CSMD3: variants seen among roughly 807,000 people sequenced by gnomAD.
CSMD3 encodes the protein CUB and sushi domain-containing protein 3.
A neutral mutation model predicts 435.2 loss-of-function variants in CSMD3; 177 were observed. The observed-to-expected ratio is 0.41, with a 90% CI of 0.36 to 0.46. The LOEUF is 0.46. CSMD3 is among the 20% of genes least tolerant of loss of function. The pLI is 0.34. For missense variants in CSMD3, 4,265 were observed against 4,504.6 expected, an observed-to-expected ratio of 0.95 and a Z score of 1.52; for synonymous variants, 1,656 against 1,520.5, an observed-to-expected ratio of 1.09 and a Z score of -2.07.
intron 10 of CSMD3, among the ~76,000 whole-genome samples, chr8:112,901,610 A>G (rs976125552): frequency 6.6e-6 from 1 of 151,268 alleles, no homozygotes; most frequent in Non-Finnish European, 1.5e-5. Context: ...CTCTCCTTCC[A>G]TATTTCCTGA....
At chr8:113,350,475 T>TA (rs923834668) in intron 1 of CSMD3, among the ~76,000 whole-genome samples, 1 of 152,104 alleles carries the variant, frequency 6.6e-6, no homozygotes, top group Non-Finnish European at 1.5e-5. Flanking sequence ...CAAATGAACT[T>TA]AAACAACTCT....
chr8:112,616,765 G>A (rs1178069705), intron 22 of CSMD3, among the ~76,000 whole-genome samples: 2 of 152,142 alleles, frequency 1.3e-5, no homozygotes, highest in African/African-American at 4.8e-5. Flanking sequence ...TAAAGCAGTA[G>A]TCCTGCCCAA....
chr8:112,374,255 A>G (rs1172671287), intron 38 of CSMD3, among the ~76,000 whole-genome samples: 1 of 152,100 alleles, frequency 6.6e-6, no homozygotes, highest in African/African-American at 2.4e-5. Context: ...TTTGGCACAG[A>G]TCTCCCCACT....
rs146912948 is a variant in CSMD3, at chr8:112,775,812, A to T, written c.1972+24350T>A. Among the ~76,000 whole-genome samples the T allele has an allele frequency of 2.1e-3, 313 of 152,036 alleles. 1 individual carries two copies. Among genetic ancestry groups the T allele is most frequent in the African/African-American group, 7.2e-3 (301 of 41,544 alleles). On this transcript the variant is annotated intron_variant, in intron 13 of 70. Transcript: ENST00000297405. ...TTTTAACTATCTTCCATCTTTGCAT[A>T]AAATATACATATTTAGAAAATGTGC...
intron 1 of CSMD3, among the ~76,000 whole-genome samples, chr8:113,350,606 T>C (rs1211161217): frequency 6.6e-6 from 1 of 152,042 alleles, no homozygotes; most frequent in Non-Finnish European, 1.5e-5. Flanking sequence ...GATCAAACCA[T>C]TCCAATTTCT....
At chr8:113,283,743 G>A (rs2093627662) in intron 2 of CSMD3, among the ~76,000 whole-genome samples, 1 of 152,080 alleles carries the variant, frequency 6.6e-6, no homozygotes, top group Admixed American at 6.5e-5. Context: ...CTATCCAGAG[G>A]ATATCAAGTC....
intron 69 of CSMD3, among the ~76,000 whole-genome samples, chr8:112,230,318 G>A (rs1374514451): frequency 1.3e-5 from 2 of 152,178 alleles, no homozygotes; most frequent in African/African-American, 4.8e-5. Flanking sequence ...GGTAGGATGT[G>A]ATGTAAATGG....
intron 4 of CSMD3, among the ~76,000 whole-genome samples, chr8:113,151,563 A>G (rs1397735854): frequency 1.3e-5 from 2 of 152,046 alleles, no homozygotes; most frequent in African/African-American, 4.8e-5. Flanking sequence ...AACAATATTA[A>G]TGACAATATA....
chr8:113,196,814 A>G (rs1056363034), intron 3 of CSMD3, among the ~76,000 whole-genome samples: 29 of 151,280 alleles, frequency 1.9e-4, no homozygotes, highest in African/African-American at 6.5e-4. Flanking sequence ...AATGACACCT[A>G]TGATTTAAAT....
intron 6 of CSMD3, among the ~76,000 whole-genome samples, chr8:113,010,175 T>C (rs2086205038): frequency 6.6e-6 from 1 of 151,570 alleles, no homozygotes; most frequent in Non-Finnish European, 1.5e-5. Context: ...CAGAAGTAGA[T>C]CCCTACAAAA....
Position 112,289,709 on chromosome 8 carries a change from G to C in CSMD3, c.8975-171C>G, listed in dbSNP as rs145881961. The stretch of plus-strand genomic sequence containing the variant: ...TCTTTTTAAAAACAAAGTGGAGTTT[G>C]CAGCTATAGCAGCTGTTCTGTTAAC... On this transcript the variant is annotated intron_variant, in intron 56 of 70. Coordinates refer to ENST00000297405, the MANE Select transcript of CSMD3 (RefSeq NM_198123.2). Among the ~76,000 whole-genome samples the C allele has an allele frequency of 1.3e-3, 203 of 152,210 alleles. 1 individual carries two copies. The highest frequency in any genetic ancestry group is 4.5e-3 in the Admixed American group (69 of 15,234).
At chr8:113,039,239 G>C (rs539176463) in intron 5 of CSMD3, among the ~76,000 whole-genome samples, 49 of 151,984 alleles carry the variant, frequency 3.2e-4, no homozygotes, top group African/African-American at 1.1e-3. Flanking sequence ...TTGAATTAAA[G>C]ATAAAATATG....
intron 16 of CSMD3, among the ~76,000 whole-genome samples, chr8:112,680,079 G>T (rs1052629464): frequency 1.3e-5 from 2 of 152,186 alleles, no homozygotes; most frequent in Non-Finnish European, 2.9e-5. Flanking sequence ...TGGCCGTAGG[G>T]CGTGGTGGCT....
chr8:112,511,800 A>T (rs1823173574), intron 28 of CSMD3, among the ~76,000 whole-genome samples: 2 of 151,822 alleles, frequency 1.3e-5, no homozygotes, highest in South Asian at 4.1e-4. Flanking sequence ...TCTTGGAGAC[A>T]CTCCTCTCAA....
intron 31 of CSMD3, among the ~76,000 whole-genome samples, chr8:112,473,721 A>ATTTTTTTTT (rs71309772): frequency 3.4e-4 from 45 of 131,300 alleles, no homozygotes; most frequent in African/African-American, 1.2e-3. Context: ...AGGAAGAGGG[A>ATTTTTTTTT]TTTTTTTTTT....
chr8:112,757,888 T>A (rs1486628237), intron 13 of CSMD3, among the ~76,000 whole-genome samples: 1 of 151,924 alleles, frequency 6.6e-6, no homozygotes, highest in African/African-American at 2.4e-5. Context: ...ACCCCATCTC[T>A]ATAAAAAAGT....
At chr8:112,226,001 T>G (rs2129784831) in intron 70 of CSMD3, among the ~76,000 whole-genome samples, 1 of 152,342 alleles carries the variant, frequency 6.6e-6, no homozygotes, top group South Asian at 2.1e-4. Flanking sequence ...AAAAGGGATA[T>G]ATCTTAAAAT....
At chr8:113,391,639 A>C (rs1056596610) in intron 1 of CSMD3, among the ~76,000 whole-genome samples, 1 of 152,056 alleles carries the variant, frequency 6.6e-6, no homozygotes. Context: ...GGAATTATAA[A>C]ATAAGGACCT....
Position 112,739,122 on chromosome 8 carries a change from C to T in CSMD3, c.1973-49072G>A, listed in dbSNP as rs563792870. 1.4e-4 allele frequency among the ~76,000 whole-genome samples: 21 copies of T among 151,338 alleles called. 1 individual carries two copies. Among genetic ancestry groups the T allele is most frequent in the East Asian group, 1.2e-3 (6 of 5,160 alleles). ...ATGATAAAAACACTGAGTGTAAGGG[C>T]GAAAGGTTAACATAATTAAGAAAGT... On this transcript the variant is annotated intron_variant, in intron 13 of 70. Coordinates refer to ENST00000297405, the MANE Select transcript of CSMD3 (RefSeq NM_198123.2).
Sources: allele counts gnomAD v4.1 joint callset (sites outside exome capture counted in the v4.1 genomes callset), GRCh38; gene constraint gnomAD v4.1.1; transcripts MANE v1.5; gene names NCBI Gene and HGNC (gene_info 2026-07-23, HGNC 2026-07-21).